PTPN9: variants seen among roughly 807,000 people sequenced by gnomAD.
PTPN9 encodes protein tyrosine phosphatase non-receptor type 9, also known as tyrosine-protein phosphatase non-receptor type 9.
A neutral mutation model predicts 69.8 loss-of-function variants in PTPN9; 26 were observed. That is an observed-to-expected ratio of 0.37 (90% CI 0.27 to 0.52). The LOEUF (loss-of-function observed/expected upper bound fraction) is 0.52, where lower values mean the gene tolerates loss of function less well. Among genes scored for constraint, PTPN9 ranks in the 20% least tolerant of loss-of-function variants. The pLI is 0.91. For synonymous variants in PTPN9, 274 were observed against 272.5 expected (o/e 1.01, Z -0.05); for missense variants, 549 against 740.3 (o/e 0.74, Z 3.00).
At chr15:75,541,759 T>A (rs534487111) in intron 1 of PTPN9, among the ~76,000 whole-genome samples, 10 of 151,694 alleles carry the variant, frequency 6.6e-5, no homozygotes, top group Non-Finnish European at 1.2e-4. Context: ...TAGGTTGGAG[T>A]GCAGTAGTGC....
intron 2 of PTPN9, 90 bp from the exon 3 acceptor site, chr15:75,524,388 T>C (rs1203135426): frequency 1.5e-6 from 1 of 666,820 alleles, no homozygotes; most frequent in East Asian, 2.7e-5. Context: ...AGAGATAAGG[T>C]GGTTATCAAT....
intron 1 of PTPN9, among the ~76,000 whole-genome samples, chr15:75,554,358 C>G (rs2141336785): frequency 6.6e-6 from 1 of 152,106 alleles, no homozygotes; most frequent in East Asian, 1.9e-4. Flanking sequence ...CCACGCCCGG[C>G]TAATTTTGTA....
intron 8 of PTPN9, among the ~76,000 whole-genome samples, chr15:75,488,601 A>C (rs2074691976): frequency 6.6e-6 from 1 of 151,232 alleles, no homozygotes; most frequent in Admixed American, 6.6e-5. Context: ...GAACTTAGGC[A>C]ACACAGCGAG....
intron 7 of PTPN9, among the ~76,000 whole-genome samples, chr15:75,496,731 T>C (rs1162637916): frequency 6.6e-6 from 1 of 152,036 alleles, no homozygotes; most frequent in Non-Finnish European, 1.5e-5. Context: ...GGTCTTGAAA[T>C]CCTAGGCTCA....
chr15:75,506,756 C>G (rs1392658982), intron 6 of PTPN9, among the ~76,000 whole-genome samples: 1 of 152,068 alleles, frequency 6.6e-6, no homozygotes, highest in Non-Finnish European at 1.5e-5. Flanking sequence ...TTAACTGGTT[C>G]TCCTTAGGAT....
chr15:75,492,765 C>T (rs2074718065), intron 7 of PTPN9, among the ~76,000 whole-genome samples: 1 of 152,176 alleles, frequency 6.6e-6, no homozygotes, highest in Non-Finnish European at 1.5e-5. Flanking sequence ...TGTAACCATG[C>T]AGCTTTTAAG....
rs2074530577 is a variant in PTPN9, at chr15:75,464,860, A to T, written c.*3909T>A. On this transcript the variant is annotated 3_prime_UTR_variant, in exon 13 of 13. Transcript: ENST00000618819. ...GCATACTGTCACATGAAGACTGATA[A>T]GGGTGGGCCTCCGAGGCTGAGGATG... 2 of 152,216 alleles carry T rather than the reference A, an allele frequency of 1.3e-5. No homozygotes were observed. Among genetic ancestry groups the T allele is most frequent in the Non-Finnish European group, 2.9e-5 (2 of 68,052 alleles). The allele number at this position is 152,216 out of a possible 1,614,324, so 9.4% of individuals were successfully genotyped here.
chr15:75,492,718 C>T (rs1305316045), intron 7 of PTPN9, among the ~76,000 whole-genome samples: 2 of 152,210 alleles, frequency 1.3e-5, no homozygotes, highest in Non-Finnish European at 2.9e-5. Context: ...AGCTTCCATG[C>T]AGCTTGTTTT....
At chr15:75,559,355 G>C (rs1001656369) in intron 1 of PTPN9, among the ~76,000 whole-genome samples, 4 of 152,324 alleles carry the variant, frequency 2.6e-5, no homozygotes, top group Middle Eastern at 3.4e-3. Context: ...GGAAAAGATA[G>C]AGAAATCAGA....
At chr15:75,550,348 TAG>T (rs1442026965) in intron 1 of PTPN9, among the ~76,000 whole-genome samples, 2 of 151,586 alleles carry the variant, frequency 1.3e-5, no homozygotes, top group African/African-American at 4.8e-5. Context: ...GTACTTTCAG[TAG>T]AGACGGGGTT....
rs1324512629 is a variant in PTPN9, at chr15:75,530,117, G to C, written c.64-2856C>G. Reference sequence around the variant, plus strand: ...GTCAGGAGGCTGAGGCAGAAGAATCGCTTGAACCAGGAGGTGGGGTTGTAG... The same window carrying C: ...GTCAGGAGGCTGAGGCAGAAGAATCCCTTGAACCAGGAGGTGGGGTTGTAG... On this transcript the variant is annotated intron_variant, in intron 1 of 12. Coordinates refer to ENST00000618819, the MANE Select transcript of PTPN9 (RefSeq NM_002833.4). 5.5e-5 allele frequency among the ~76,000 whole-genome samples: 8 copies of C among 146,014 alleles called. 2 individuals carry two copies. In the Admixed American group the frequency reaches 5.7e-4, roughly 10 times the overall value.
In PTPN9 at chr15:75,468,847, G is replaced by T. The variant is rs776474331; in HGVS notation, c.1704C>A (p.Tyr568Ter). 6.2e-7 allele frequency: 1 copy of T among 1,614,170 alleles called. No homozygotes were observed. Residue 568 changes from tyrosine (Y) to a stop codon, truncating the protein, a stop_gained, in exon 13 of 13, where the codon TAC becomes TAA. Coordinates refer to ENST00000618819, the MANE Select transcript of PTPN9 (RefSeq NM_002833.4). LOFTEE classifies it high-confidence loss of function. ...TCTCTGCGAACTCCAGGATGGCCTT[G>T]TAGCAAAAATAGTACTGCTCAGGGG... ...IQTPEQYYFCYKAILEFAEKE... is the reference protein window; with the variant it reads ...IQTPEQYYFC
intron 1 of PTPN9, among the ~76,000 whole-genome samples, chr15:75,573,091 A>T: frequency 6.6e-6 from 1 of 152,182 alleles, no homozygotes; most frequent in East Asian, 1.9e-4. Flanking sequence ...GCTTCATGGG[A>T]AGTAATGTAG....
chr15:75,497,622 G>A (rs962025620), intron 7 of PTPN9, among the ~76,000 whole-genome samples: 1 of 151,864 alleles, frequency 6.6e-6, no homozygotes, highest in Non-Finnish European at 1.5e-5. Flanking sequence ...CCAACATGGC[G>A]AAACCCCGTC....
chr15:75,477,208 A>C (rs1359865921), intron 9 of PTPN9, among the ~76,000 whole-genome samples: 2 of 152,206 alleles, frequency 1.3e-5, no homozygotes, highest in African/African-American at 4.8e-5. Flanking sequence ...CTCATCTATA[A>C]ATTAATAAAC....
At chr15:75,530,929 TATA>T (rs989348330) in intron 1 of PTPN9, among the ~76,000 whole-genome samples, 2 of 123,786 alleles carry the variant, frequency 1.6e-5, no homozygotes, top group Non-Finnish European at 3.2e-5. Flanking sequence ...TTTTTATTAT[TATA>T]ATGTATATTT....
intron 9 of PTPN9, among the ~76,000 whole-genome samples, chr15:75,477,599 C>CTTAA (rs986639440): frequency 7.9e-5 from 12 of 152,080 alleles, no homozygotes; most frequent in African/African-American, 2.4e-4. Context: ...CATCTCAAAA[C>CTTAA]TTAATTAATT....
chr15:75,562,559 C>T (rs1196165679), intron 1 of PTPN9, among the ~76,000 whole-genome samples: 9 of 152,058 alleles, frequency 5.9e-5, no homozygotes, highest in South Asian at 2.1e-4. Flanking sequence ...AGGCCGGGCG[C>T]GGTGGCTCAC....
At chr15:75,565,954 G>C (rs1485880099) in intron 1 of PTPN9, among the ~76,000 whole-genome samples, 1 of 152,070 alleles carries the variant, frequency 6.6e-6, no homozygotes, top group Non-Finnish European at 1.5e-5. Flanking sequence ...AGGCTATCTT[G>C]AAATCTTTTA....
Sources: gnomAD v4.1 joint callset for allele counts (sites outside exome capture counted in the v4.1 genomes callset) on GRCh38, gnomAD v4.1.1 for gene constraint, MANE v1.5 for transcripts, NCBI Gene and HGNC (gene_info 2026-07-23, HGNC 2026-07-21) for gene names.